The following GABPB1 variants were observed in gnomAD, a reference collection of about 807,000 sequenced individuals.
GABPB1 encodes GA-binding protein subunit beta-1.
In GABPB1, 15 loss-of-function variants were observed where a neutral mutation model predicts 45.9. That is an observed-to-expected ratio of 0.33 (90% CI 0.22 to 0.50). The LOEUF (loss-of-function observed/expected upper bound fraction) is 0.50. Among genes scored for constraint, GABPB1 ranks in the 20% least tolerant of loss-of-function variants. The probability of loss-of-function intolerance (pLI) is 0.98; values close to 1 mark genes in which losing one functional copy is unlikely to be tolerated. For synonymous variants in GABPB1, 143 were observed against 154.4 expected (o/e 0.93, Z 0.55); for missense variants, 252 against 457.5 (o/e 0.55, Z 4.10).
intron 6 of GABPB1, among the ~76,000 whole-genome samples, chr15:50,293,386 C>A (rs7177488): frequency 0.076 from 11,618 of 152,224 alleles, 1,340 homozygotes; most frequent in African/African-American, 0.25. Context: ...GATCACAATA[C>A]AAACCACAGA....
intron 1 of GABPB1, among the ~76,000 whole-genome samples, chr15:50,339,961 C>T (rs2048291603): frequency 6.6e-6 from 1 of 152,222 alleles, no homozygotes; most frequent in Non-Finnish European, 1.5e-5. Flanking sequence ...CTTCTATACA[C>T]AGCTGGTCTC....
rs2047226446 is a variant in GABPB1, at chr15:50,314,170, GA to G, written c.1-4373del. On this transcript the variant is annotated intron_variant, in intron 1 of 8. Transcript: ENST00000380877. ...CCATGAGCAATACAGCCATACGGTAGATTTATTTATTTATTTATTTATTTAT... is the reference window on the plus strand; with the variant it reads ...CCATGAGCAATACAGCCATACGGTAGTTTATTTATTTATTTATTTATTTAT... Among the ~76,000 whole-genome samples, 8 of 149,688 alleles carry G rather than the reference GA, an allele frequency of 5.3e-5. No homozygotes were observed. The South Asian group carries it at 1.7e-3, about 32-fold the overall frequency.
chr15:50,346,324 T>C (rs2048577220), intron 1 of GABPB1: 1 of 152,200 alleles, frequency 6.6e-6, no homozygotes, highest in African/African-American at 2.4e-5. Flanking sequence ...TATTTGGAAT[T>C]GTTCAGCGTA....
intron 1 of GABPB1, among the ~76,000 whole-genome samples, chr15:50,313,337 C>T (rs1323373999): frequency 6.6e-6 from 1 of 152,120 alleles, no homozygotes; most frequent in African/African-American, 2.4e-5. Context: ...CTGATGCAGC[C>T]AAGAATTAAG....
At chr15:50,336,842 G>T (rs2048147443) in intron 1 of GABPB1, among the ~76,000 whole-genome samples, 1 of 150,922 alleles carries the variant, frequency 6.6e-6, no homozygotes, top group African/African-American at 2.4e-5. Flanking sequence ...AGGCATGGTG[G>T]TACATGACTG....
intron 2 of GABPB1, among the ~76,000 whole-genome samples, chr15:50,306,560 G>T (rs1366981081): frequency 2.0e-5 from 3 of 150,748 alleles, no homozygotes; most frequent in Non-Finnish European, 2.9e-5. Flanking sequence ...CCGGGAGGCA[G>T]AGGCTTCAGT....
chr15:50,351,476 T>TGAGGCA (rs1479637118), intron 1 of GABPB1: 1 of 152,224 alleles, frequency 6.6e-6, no homozygotes, highest in Non-Finnish European at 1.5e-5. Flanking sequence ...CTCAGGAGGC[T>TGAGGCA]GAGGCAGAGG....
At chr15:50,302,864 A>G (rs568593643) in intron 4 of GABPB1, 65 bp downstream of exon 4, 3 of 1,070,620 alleles carry the variant, frequency 2.8e-6, no homozygotes, top group African/African-American at 1.6e-5. Context: ...TGCACAATAT[A>G]AGAGATCCCT....
At chr15:50,281,392 T>C (rs910354418) in intron 8 of GABPB1, among the ~76,000 whole-genome samples, 27 of 152,212 alleles carry the variant, frequency 1.8e-4, no homozygotes, top group South Asian at 4.2e-4. Flanking sequence ...TTTGTATTTT[T>C]AGTAGAGACG....
chr15:50,324,510 ATG>A (rs1567527052), intron 1 of GABPB1, among the ~76,000 whole-genome samples: 4 of 149,190 alleles, frequency 2.7e-5, no homozygotes, highest in Non-Finnish European at 3.0e-5. Context: ...CAGTGATCCA[ATG>A]CCCTGAATGC....
intron 1 of GABPB1, among the ~76,000 whole-genome samples, chr15:50,332,173 C>G (rs1181804032): frequency 6.6e-6 from 1 of 152,100 alleles, no homozygotes; most frequent in African/African-American, 2.4e-5. Flanking sequence ...CCGTGCCCAG[C>G]CCCCTGTCCA....
chr15:50,284,274 C>T (rs542241570), intron 8 of GABPB1, among the ~76,000 whole-genome samples: 4 of 152,318 alleles, frequency 2.6e-5, no homozygotes, highest in African/African-American at 9.6e-5. Context: ...CCTACCACTA[C>T]CTGTATACTC....
At position 50,309,699 on chromosome 15, in the gene GABPB1, T is replaced by C; in HGVS notation, c.100A>G (p.Thr34Ala). 1 of 1,554,148 alleles carries C rather than the reference T, an allele frequency of 6.4e-7. No homozygotes were observed. Among genetic ancestry groups the C allele is most frequent in the Non-Finnish European group, 8.9e-7 (1 of 1,125,512 alleles). ...TTAAAATCATTCTTTACCCAGTCTG[T>C]AGTAAAGGGAGCTCCATTTGCCATC... is the stretch of plus-strand genomic sequence containing the variant. Reference protein sequence around the residue: ...ILMANGAPFTTDWLGTSPLHL... With the variant: ...ILMANGAPFTADWLGTSPLHL... Residue 34 changes from threonine to alanine, a missense_variant, in exon 2 of 9, where the codon ACA becomes GCA. Thr to Ala is a moderately conservative substitution (Grantham distance 58). This residue lies in a region of GABPB1 where 35 missense variants were observed against 143.7 expected (regional missense o/e 0.24). Coordinates refer to ENST00000380877, the MANE Select transcript of GABPB1 (RefSeq NM_016654.5).
At chr15:50,321,808 T>G (rs137858985) in intron 1 of GABPB1, among the ~76,000 whole-genome samples, 1 of 152,206 alleles carries the variant, frequency 6.6e-6, no homozygotes, top group African/African-American at 2.4e-5. Flanking sequence ...TCATAATGTT[T>G]GCCTTTTTTA....
intron 1 of GABPB1, among the ~76,000 whole-genome samples, chr15:50,334,123 C>T (rs1027173375): frequency 1.3e-5 from 2 of 151,794 alleles, no homozygotes; most frequent in African/African-American, 4.8e-5. Flanking sequence ...TCTCCAGCTA[C>T]TTTTGGTTTT....
intron 1 of GABPB1, among the ~76,000 whole-genome samples, chr15:50,344,091 C>A (rs529299487): frequency 3.9e-5 from 6 of 152,176 alleles, no homozygotes; most frequent in Non-Finnish European, 8.8e-5. Context: ...ACAGTGCCAG[C>A]CGCAGGGCAA....
chr15:50,290,426 A>G (rs1345486939), intron 6 of GABPB1, among the ~76,000 whole-genome samples: 1 of 152,086 alleles, frequency 6.6e-6, no homozygotes, highest in African/African-American at 2.4e-5. Context: ...CCCTGTCTCT[A>G]CTAAAAATAC....
chr15:50,316,054 C>T (rs1671603583), intron 1 of GABPB1, among the ~76,000 whole-genome samples: 1 of 150,466 alleles, frequency 6.6e-6, no homozygotes, highest in Admixed American at 6.6e-5. Context: ...CAGAGCAAGA[C>T]TGTCTCAAAA....
At chr15:50,317,496 C>G (rs1303108794) in intron 1 of GABPB1, among the ~76,000 whole-genome samples, 1 of 149,524 alleles carries the variant, frequency 6.7e-6, no homozygotes, top group African/African-American at 2.4e-5. Flanking sequence ...CTACTTTTTT[C>G]TAAGTTTTAA....
Sources: gnomAD v4.1 joint callset for allele counts (sites outside exome capture counted in the v4.1 genomes callset) on GRCh38, gnomAD v4.1.1 for gene constraint, gnomAD v4.1.1 regional missense constraint, MANE v1.5 for transcripts, NCBI Gene and HGNC (gene_info 2026-07-23, HGNC 2026-07-21) for gene names.